Variants in MALRD1 observed in about 807,000 individuals in gnomAD.
The protein encoded by MALRD1 is MAM and LDL-receptor class A domain-containing protein 1.
In MALRD1, 247 loss-of-function variants were observed where a neutral mutation model predicts 242.1. The ratio of observed to expected loss-of-function variants is 1.02; its 90% CI spans 0.92 to 1.13. The LOEUF is 1.13. Ranked by LOEUF, MALRD1 falls within the 50% of genes most tolerant of loss-of-function variation. MALRD1 has a pLI of 0.00. For synonymous variants in MALRD1, 995 were observed against 866.6 expected (o/e 1.15, Z -2.60); for missense variants, 2,989 against 2,533.1 (o/e 1.18, Z -3.86).
At chr10:19,262,874 A>C (rs1193039379) in intron 19 of MALRD1, among the ~76,000 whole-genome samples, 2 of 152,152 alleles carry the variant, frequency 1.3e-5, no homozygotes, top group African/African-American at 4.8e-5. Context: ...TTACATGTGC[A>C]ATCATGCAGT....
At chr10:19,134,429 A>G (rs889205967) in intron 9 of MALRD1, among the ~76,000 whole-genome samples, 1 of 152,226 alleles carries the variant, frequency 6.6e-6, no homozygotes. Context: ...TTTGTGTTGT[A>G]TTAGGTTGGT....
intron 21 of MALRD1, among the ~76,000 whole-genome samples, chr10:19,303,971 T>C (rs1421258030): frequency 6.6e-6 from 1 of 151,762 alleles, no homozygotes; most frequent in East Asian, 1.9e-4. Flanking sequence ...AAAGCATACA[T>C]GATCCTTAAT....
chr10:19,278,896 A>G (rs541652055), intron 19 of MALRD1, among the ~76,000 whole-genome samples: 1 of 152,332 alleles, frequency 6.6e-6, no homozygotes, highest in South Asian at 2.1e-4. Flanking sequence ...ATGATATAAT[A>G]AGTAAATTGC....
In MALRD1 at chr10:19,328,785, A is replaced by G. The variant is rs1228913915; in HGVS notation, c.3687+1112A>G. ...AGGATATGCATAAGAAGGAAGTTCA[A>G]CCTGAAGCAGTAAAGACTGAATATC... On this transcript the variant is annotated intron_variant, in intron 23 of 39. Transcript: ENST00000454679. Among the ~76,000 whole-genome samples, 6 of 152,294 alleles carry G rather than the reference A, an allele frequency of 3.9e-5. No homozygotes were observed. In the East Asian group the frequency reaches 9.6e-4, roughly 24 times the overall value.
At chr10:19,147,880 C>T (rs1472755780) in intron 11 of MALRD1, among the ~76,000 whole-genome samples, 1 of 152,040 alleles carries the variant, frequency 6.6e-6, no homozygotes, top group Non-Finnish European at 1.5e-5. Flanking sequence ...GGGATCATGT[C>T]CTAATTGGAG....
At chr10:19,310,726 C>T (rs760726334) in intron 21 of MALRD1, among the ~76,000 whole-genome samples, 3 of 151,434 alleles carry the variant, frequency 2.0e-5, no homozygotes, top group Non-Finnish European at 4.4e-5. Context: ...TCCAATATGA[C>T]TCTATTTTGT....
At chr10:19,495,251 A>G (rs1324934856) in intron 30 of MALRD1, among the ~76,000 whole-genome samples, 1 of 152,078 alleles carries the variant, frequency 6.6e-6, no homozygotes, top group East Asian at 1.9e-4. Context: ...TGCCGGGATT[A>G]CAGGTATGAG....
rs948067772 is a variant in MALRD1 at position 19,607,902 on chromosome 10, G to C, written c.6070G>C (p.Glu2024Gln). The C allele has an allele frequency of 2.6e-6, 4 of 1,549,136 alleles. No individual in the cohort carries two copies. The Admixed American group carries it at 5.9e-5, about 23-fold the overall frequency. ...CCAGCTTGATGAGTCCAGCTGCTCC[G>C]GTACCCCATTTCCATTCAGATATTC... The part of the protein sequence containing the change: ...DFQLDESSCS[E>Q]CPLNYCRNGG... Residue 2024 changes from glutamate to glutamine, a missense_variant and splice_region_variant, in exon 35 of 40, where the codon GAA becomes CAA. Coordinates refer to ENST00000454679, the MANE Select transcript of MALRD1 (RefSeq NM_001142308.3).
At chr10:19,519,203 A>T (rs1405833772) in intron 31 of MALRD1, among the ~76,000 whole-genome samples, 4 of 118,098 alleles carry the variant, frequency 3.4e-5, no homozygotes, top group African/African-American at 1.1e-4. Context: ...TTTCATCAGC[A>T]TAGTCAAGTT....
chr10:19,560,699 A>G (rs184134377), intron 32 of MALRD1, among the ~76,000 whole-genome samples: 30 of 152,298 alleles, frequency 2.0e-4, no homozygotes, highest in Admixed American at 5.2e-4. Context: ...ATTCTCAGCA[A>G]ACTAACACAG....
intron 19 of MALRD1, among the ~76,000 whole-genome samples, chr10:19,277,396 A>G (rs907714461): frequency 2.6e-5 from 4 of 152,172 alleles, no homozygotes; most frequent in Non-Finnish European, 5.9e-5. Context: ...ACTGAGCTCT[A>G]CCTGGTAGCC....
chr10:19,505,754 G>A (rs1231435783), intron 31 of MALRD1, among the ~76,000 whole-genome samples: 3 of 152,112 alleles, frequency 2.0e-5, no homozygotes, highest in Middle Eastern at 3.2e-3. Flanking sequence ...ACAACTGCTC[G>A]CATAAATGGC....
At chr10:19,611,708 T>C (rs1206172287) in intron 35 of MALRD1, among the ~76,000 whole-genome samples, 1 of 151,996 alleles carries the variant, frequency 6.6e-6, no homozygotes, top group Non-Finnish European at 1.5e-5. Context: ...TCCGTCTCCT[T>C]CCCCATTTCA....
chr10:19,681,858 C>CTT (rs56244200), intron 36 of MALRD1, among the ~76,000 whole-genome samples: 1 of 111,178 alleles, frequency 9.0e-6, no homozygotes, highest in Non-Finnish European at 1.9e-5. Context: ...GGGAATGTCA[C>CTT]TTTTTTTTTT....
intron 33 of MALRD1, among the ~76,000 whole-genome samples, chr10:19,589,501 C>A (rs1037903490): frequency 6.6e-6 from 1 of 152,050 alleles, no homozygotes. Flanking sequence ...ACTTGGGATC[C>A]TTCTTTTGAG....
At chr10:19,593,759 C>A (rs1430886520) in intron 33 of MALRD1, among the ~76,000 whole-genome samples, 2 of 152,226 alleles carry the variant, frequency 1.3e-5, no homozygotes, top group African/African-American at 4.8e-5. Context: ...CAAACCTTTG[C>A]TGCAGAAACG....
At chr10:19,085,381 G>A (rs1835634316) in intron 2 of MALRD1, among the ~76,000 whole-genome samples, 1 of 151,872 alleles carries the variant, frequency 6.6e-6, no homozygotes. Context: ...AAGGAGCAAG[G>A]TAAAATGAAG....
intron 28 of MALRD1, among the ~76,000 whole-genome samples, chr10:19,400,272 T>C (rs1159174909): frequency 1.3e-5 from 2 of 152,166 alleles, no homozygotes; most frequent in African/African-American, 4.8e-5. Flanking sequence ...AGTCGTCCTT[T>C]TCCTGAAAAG....
chr10:19,622,556 A>G (rs1297402220), intron 36 of MALRD1, among the ~76,000 whole-genome samples: 1 of 151,778 alleles, frequency 6.6e-6, no homozygotes, highest in Non-Finnish European at 1.5e-5. Flanking sequence ...CACAATCTCA[A>G]CAAAAAGACC....
Sources: allele counts gnomAD v4.1 joint callset (sites outside exome capture counted in the v4.1 genomes callset), GRCh38; gene constraint gnomAD v4.1.1; transcripts MANE v1.5; gene names NCBI Gene and HGNC (gene_info 2026-07-23, HGNC 2026-07-21).